NFIA: variants seen among roughly 807,000 people sequenced by gnomAD.
NFIA encodes nuclear factor I A.
In NFIA, 8 loss-of-function variants were observed where a neutral mutation model predicts 62.8. That is an observed-to-expected ratio of 0.13 (90% CI 0.07 to 0.23). The LOEUF (loss-of-function observed/expected upper bound fraction) is 0.23. NFIA is among the 10% of genes least tolerant of loss of function. NFIA has a pLI of 1.00. For missense variants in NFIA, 410 were observed against 642.1 expected (o/e 0.64, Z 3.91); for synonymous variants, 235 against 238.1 (o/e 0.99, Z 0.12).
intron 2 of NFIA, among the ~76,000 whole-genome samples, chr1:61,178,105 G>A (rs897522986): frequency 6.6e-6 from 1 of 152,140 alleles, no homozygotes; most frequent in Non-Finnish European, 1.5e-5. Flanking sequence ...TGAAGTAGAG[G>A]ATGGCTTTGC....
chr1:61,227,759 A>G (rs1018041743), intron 2 of NFIA, among the ~76,000 whole-genome samples: 3 of 152,214 alleles, frequency 2.0e-5, no homozygotes, highest in Non-Finnish European at 4.4e-5. Context: ...CAGTAAGTAA[A>G]TAAAACTTCA....
At chr1:61,235,463 A>AAAATAAATAAATAAAT (rs200048964) in intron 2 of NFIA, among the ~76,000 whole-genome samples, 79 of 121,526 alleles carry the variant, frequency 6.5e-4, no homozygotes, top group East Asian at 1.6e-3. Flanking sequence ...ACTCCATCTC[A>AAAATAAATAAATAAAT]AAATAAATAA....
At chr1:61,313,660 G>C (rs546588840) in intron 3 of NFIA, among the ~76,000 whole-genome samples, 2 of 152,202 alleles carry the variant, frequency 1.3e-5, no homozygotes, top group South Asian at 4.1e-4. Flanking sequence ...TGGAGTTTTG[G>C]TTTGGGTAAA....
At chr1:61,383,414 GGAC>G (rs1186597549) in intron 7 of NFIA, 49 bp downstream of exon 7, 1 of 1,602,482 alleles carries the variant, frequency 6.2e-7, no homozygotes, top group Non-Finnish European at 8.5e-7. Context: ...CATGGCCTTT[GGAC>G]CCAAGTAGCA....
Position 61,277,432 on chromosome 1 carries a change from G to T in NFIA, c.560-88G>T, listed in dbSNP as rs185450317. On this transcript the variant is annotated intron_variant, in intron 2 of 10. Coordinates refer to ENST00000403491, the MANE Select transcript of NFIA (RefSeq NM_001134673.4). ...GTAATGTTCCCTTTCTTAGTTTATA[G>T]GTTGAACCTTTTGAGAAAGTCTGGC... 290 of 1,206,102 alleles carry T rather than the reference G, an allele frequency of 2.4e-4. No homozygotes were observed. The East Asian group carries it at 6.5e-3, about 27-fold the overall frequency. The allele number at this position is 1,206,102 out of a possible 1,614,324, so 74.7% of individuals were successfully genotyped here.
Position 61,383,334 on chromosome 1 carries a change from G to A in NFIA, c.1044G>A (p.Gln348=), listed in dbSNP as rs1190220477. The change falls in exon 7 of 11, where the codon CAG becomes CAA. Residue 348 remains glutamine, a synonymous_variant. Coordinates refer to ENST00000403491, the MANE Select transcript of NFIA (RefSeq NM_001134673.4). The part of the protein sequence containing the change: ...QTSSLGTAFT[Q]HHRPVITGPR... ...CCTCCCTGGGAACGGCGTTCACACA[G>A]CATCACCGACCTGTCATTACAGGAC... is the stretch of plus-strand genomic sequence containing the variant. 1 of 1,613,936 alleles carries A rather than the reference G, an allele frequency of 6.2e-7. No homozygotes were observed. The highest frequency in any genetic ancestry group is 8.5e-7 in the Non-Finnish European group (1 of 1,179,894).
At chr1:61,175,589 C>T (rs1192142924) in intron 2 of NFIA, among the ~76,000 whole-genome samples, 1 of 152,202 alleles carries the variant, frequency 6.6e-6, no homozygotes, top group East Asian at 1.9e-4. Flanking sequence ...CATACCTCCT[C>T]CAGGTCCTCA....
At chr1:61,269,311 TAGA>T (rs1464163863) in intron 2 of NFIA, among the ~76,000 whole-genome samples, 2 of 152,178 alleles carry the variant, frequency 1.3e-5, no homozygotes, top group African/African-American at 4.8e-5. Flanking sequence ...TCTATTATGA[TAGA>T]AGGTATTTTA....
chr1:61,430,859 C>T (rs926645324), intron 10 of NFIA, among the ~76,000 whole-genome samples: 18 of 152,038 alleles, frequency 1.2e-4, no homozygotes, highest in Admixed American at 1.3e-4. Context: ...CCATCATTTG[C>T]CCCTCATTTT....
intron 2 of NFIA, among the ~76,000 whole-genome samples, chr1:61,167,575 A>G (rs1649671000): frequency 6.6e-6 from 1 of 152,176 alleles, no homozygotes; most frequent in African/African-American, 2.4e-5. Flanking sequence ...ATTGATTATA[A>G]TTAAGTCAGT....
At chr1:61,225,553 C>CTTTTTTT (rs71244590) in intron 2 of NFIA, among the ~76,000 whole-genome samples, 1 of 122,592 alleles carries the variant, frequency 8.2e-6, no homozygotes, top group Non-Finnish European at 1.7e-5. Flanking sequence ...CCAGCTCGTA[C>CTTTTTTT]TTTTTTTTTT....
At chr1:61,299,809 G>A (rs1258833119) in intron 3 of NFIA, among the ~76,000 whole-genome samples, 4 of 152,148 alleles carry the variant, frequency 2.6e-5, no homozygotes, top group Admixed American at 2.6e-4. Flanking sequence ...TTAGTGAATA[G>A]CTAAGTTGTA....
chr1:61,317,118 A>T (rs1358434746), intron 3 of NFIA, among the ~76,000 whole-genome samples: 1 of 152,154 alleles, frequency 6.6e-6, no homozygotes, highest in African/African-American at 2.4e-5. Context: ...AGCAGGCAGC[A>T]TGGCATATTT....
chr1:61,251,735 G>A (rs201601320), intron 2 of NFIA, among the ~76,000 whole-genome samples: 1 of 152,092 alleles, frequency 6.6e-6, no homozygotes, highest in Non-Finnish European at 1.5e-5. Flanking sequence ...TTGATTTTTT[G>A]TATTAACACA....
At chr1:61,163,373 G>A (rs994909537) in intron 2 of NFIA, among the ~76,000 whole-genome samples, 1 of 152,080 alleles carries the variant, frequency 6.6e-6, no homozygotes, top group Admixed American at 6.6e-5. Context: ...TGCCATTTTG[G>A]ATCAGTTCTT....
At chr1:61,409,181 A>G (rs1323286172) in intron 9 of NFIA, among the ~76,000 whole-genome samples, 1 of 152,164 alleles carries the variant, frequency 6.6e-6, no homozygotes, top group African/African-American at 2.4e-5. Context: ...AGAGAATATC[A>G]GGAGAAAGAG....
Position 61,345,201 on chromosome 1 carries a change from G to A in NFIA, c.701-7249G>A, listed in dbSNP as rs974334991. Among the ~76,000 whole-genome samples the A allele has an allele frequency of 8.5e-5, 13 of 152,068 alleles. No individual in the cohort carries two copies. The East Asian group carries it at 1.9e-3, about 23-fold the overall frequency. On this transcript the variant is annotated intron_variant, in intron 4 of 10. Coordinates refer to ENST00000403491, the MANE Select transcript of NFIA (RefSeq NM_001134673.4). The stretch of plus-strand genomic sequence containing the variant: ...CGATAGAGCAAAATACTTCAGATTC[G>A]TTAATTACAATACTACTTAAGAAAA...
At chr1:61,267,370 C>T (rs921722790) in intron 2 of NFIA, among the ~76,000 whole-genome samples, 4 of 150,648 alleles carry the variant, frequency 2.7e-5, no homozygotes, top group Non-Finnish European at 3.0e-5. Context: ...ATTAGCTGGG[C>T]GTGGTGGCAG....
intron 2 of NFIA, among the ~76,000 whole-genome samples, chr1:61,154,643 G>A (rs754615609): frequency 5.9e-5 from 9 of 152,148 alleles, no homozygotes; most frequent in Non-Finnish European, 1.2e-4. Flanking sequence ...AATAGAGATG[G>A]GTTTTGCCAT....
Sources: allele counts gnomAD v4.1 joint callset (sites outside exome capture counted in the v4.1 genomes callset), GRCh38; gene constraint gnomAD v4.1.1; transcripts MANE v1.5; gene names NCBI Gene and HGNC (gene_info 2026-07-23, HGNC 2026-07-21).